Variants in NPAS3 observed in about 807,000 individuals in gnomAD.
NPAS3 encodes neuronal PAS domain-containing protein 3.
Under a neutral mutation model 73.1 loss-of-function variants are expected in NPAS3, and 14 were observed. That is an observed-to-expected ratio of 0.19 (90% CI 0.13 to 0.30). NPAS3 has a LOEUF of 0.30. Ranked by LOEUF, NPAS3 falls within the 10% of genes least tolerant of loss-of-function variation. The probability of loss-of-function intolerance (pLI) is 1.00; values close to 1 mark genes in which losing one functional copy is unlikely to be tolerated. For synonymous variants in NPAS3, 620 were observed against 541.5 expected, an observed-to-expected ratio of 1.14 and a Z score of -2.01; for missense variants, 1,096 against 1,250.0, an observed-to-expected ratio of 0.88 and a Z score of 1.86.
At chr14:33,260,075 T>C (rs139026452) in intron 3 of NPAS3, among the ~76,000 whole-genome samples, 68 of 152,284 alleles carry the variant, frequency 4.5e-4, no homozygotes, top group African/African-American at 1.5e-3. Context: ...GGCAACTTCA[T>C]AGCGTGACCA....
chr14:33,229,184 C>A (rs2047749259), intron 3 of NPAS3, among the ~76,000 whole-genome samples: 1 of 152,100 alleles, frequency 6.6e-6, no homozygotes, highest in Non-Finnish European at 1.5e-5. Flanking sequence ...AATATACTTA[C>A]CAAACAACTA....
chr14:33,190,160 ATCT>A (rs1387159440), intron 2 of NPAS3, among the ~76,000 whole-genome samples: 9 of 152,234 alleles, frequency 5.9e-5, no homozygotes, highest in South Asian at 2.1e-4. Context: ...TTCCCTATAC[ATCT>A]GGACAGATAA....
At chr14:33,058,344 C>T (rs571037661) in intron 2 of NPAS3, among the ~76,000 whole-genome samples, 1 of 152,248 alleles carries the variant, frequency 6.6e-6, no homozygotes, top group South Asian at 2.1e-4. Context: ...TTTGGAAGAT[C>T]CTCTAGCTTT....
chr14:33,436,756 G>C (rs557035627), intron 4 of NPAS3, among the ~76,000 whole-genome samples: 1 of 152,222 alleles, frequency 6.6e-6, no homozygotes, highest in East Asian at 1.9e-4. Flanking sequence ...ATGTATATTT[G>C]GTTCGGATAC....
chr14:33,168,140 G>A (rs775952199), intron 2 of NPAS3, among the ~76,000 whole-genome samples: 6 of 152,144 alleles, frequency 3.9e-5, no homozygotes, highest in South Asian at 2.1e-4. Flanking sequence ...GATTGCATAC[G>A]GAAACTCAGC....
chr14:33,278,513 A>AG (rs1594582145), intron 3 of NPAS3, among the ~76,000 whole-genome samples: 1 of 152,076 alleles, frequency 6.6e-6, no homozygotes, highest in East Asian at 1.9e-4. Flanking sequence ...GTAAAAAAAA[A>AG]AAAGTATCTC....
At chr14:33,196,516 G>C (rs1184899612) in intron 2 of NPAS3, among the ~76,000 whole-genome samples, 1 of 152,206 alleles carries the variant, frequency 6.6e-6, no homozygotes, top group African/African-American at 2.4e-5. Context: ...GTGAGGATCT[G>C]TTAGATTGAT....
chr14:33,150,859 G>A (rs1204735441), intron 2 of NPAS3, among the ~76,000 whole-genome samples: 2 of 152,192 alleles, frequency 1.3e-5, no homozygotes, highest in Admixed American at 1.3e-4. Flanking sequence ...CTTCCTGACA[G>A]CTGTTTCTTC....
At chr14:33,410,832 G>A (rs981851091) in intron 4 of NPAS3, among the ~76,000 whole-genome samples, 4 of 152,188 alleles carry the variant, frequency 2.6e-5, no homozygotes, top group African/African-American at 9.7e-5. Context: ...TTTTAGTAGA[G>A]ACAGGATTTC....
exon 12 of NPAS3, chr14:33,801,088 T>A (rs1225452847): frequency 6.3e-7 from 1 of 1,589,622 alleles, no homozygotes; most frequent in African/African-American, 1.3e-5. Flanking sequence ...CGGCACAGAC[T>A]CTGGAGCGCA....
At chr14:33,204,561 GCC>G (rs1312170975) in intron 2 of NPAS3, among the ~76,000 whole-genome samples, 1 of 152,070 alleles carries the variant, frequency 6.6e-6, no homozygotes, top group Non-Finnish European at 1.5e-5. Context: ...CTCCGTAAGA[GCC>G]TGTAGCTGCC....
chr14:33,646,164 C>T (rs1328334359), intron 5 of NPAS3, among the ~76,000 whole-genome samples: 1 of 151,980 alleles, frequency 6.6e-6, no homozygotes, highest in African/African-American at 2.4e-5. Context: ...AAAATTGGGA[C>T]TGGAAGGCCA....
intron 1 of NPAS3, among the ~76,000 whole-genome samples, chr14:32,962,400 A>C (rs1595098337): frequency 6.6e-6 from 1 of 151,892 alleles, no homozygotes; most frequent in South Asian, 2.1e-4. Flanking sequence ...TAAATGATTA[A>C]AATGTCTTAA....
chr14:33,244,138 T>TA (rs75629405), intron 3 of NPAS3, among the ~76,000 whole-genome samples: 9,457 of 142,254 alleles, frequency 0.066, 445 homozygotes, highest in East Asian at 0.29. Context: ...CTACATTTGT[T>TA]AAAAAAAAAA....
At chr14:33,144,008 C>T (rs1055713265) in intron 2 of NPAS3, among the ~76,000 whole-genome samples, 1 of 152,162 alleles carries the variant, frequency 6.6e-6, no homozygotes, top group African/African-American at 2.4e-5. Flanking sequence ...GTGAATGGAG[C>T]TGCAGTAAAC....
At chr14:33,801,400 T>C, downstream of NPAS3, 1 of 459,814 alleles carries the variant, frequency 2.2e-6, no homozygotes, top group Non-Finnish European at 3.9e-6. Flanking sequence ...TAAGATGTCT[T>C]TCATGTGTAT....
intron 4 of NPAS3, among the ~76,000 whole-genome samples, chr14:33,530,069 T>C (rs374375263): frequency 1.1e-4 from 16 of 152,260 alleles, no homozygotes; most frequent in African/African-American, 3.6e-4. Context: ...ATAAACATAC[T>C]TTCTTTCCTT....
At chr14:33,367,892 T>C (rs2140421415) in intron 4 of NPAS3, among the ~76,000 whole-genome samples, 1 of 152,198 alleles carries the variant, frequency 6.6e-6, no homozygotes, top group East Asian at 1.9e-4. Flanking sequence ...CGAGAGAAAA[T>C]TCATTGCAAA....
chr14:33,311,293 A>G (rs2042992917), intron 3 of NPAS3, among the ~76,000 whole-genome samples: 1 of 152,128 alleles, frequency 6.6e-6, no homozygotes, highest in Admixed American at 6.6e-5. Flanking sequence ...GAGCACCCAC[A>G]TCTGTTTGTA....
Sources: allele counts gnomAD v4.1 joint callset (sites outside exome capture counted in the v4.1 genomes callset), GRCh38; gene constraint gnomAD v4.1.1; transcripts MANE v1.5; gene names NCBI Gene and HGNC (gene_info 2026-07-23, HGNC 2026-07-21).